CSMD1: variants seen among roughly 807,000 people sequenced by gnomAD.
The protein encoded by CSMD1 is CUB and sushi domain-containing protein 1.
Under a neutral mutation model 417.5 loss-of-function variants are expected in CSMD1, and 213 were observed. The observed-to-expected ratio is 0.51, with a 90% CI of 0.46 to 0.57. The LOEUF is 0.57. CSMD1 is among the 20% of genes least tolerant of loss of function. CSMD1 has a pLI of 0.00. For missense variants in CSMD1, 6,923 were observed against 4,529.7 expected (o/e 1.53, Z -15.17); for synonymous variants, 2,862 against 1,736.8 (o/e 1.65, Z -16.11).
intron 1 of CSMD1, among the ~76,000 whole-genome samples, chr8:4,930,930 G>A (rs1306518726): frequency 1.3e-5 from 2 of 152,094 alleles, no homozygotes; most frequent in Non-Finnish European, 2.9e-5. Context: ...GGTTGACATT[G>A]TACAGAACTG....
chr8:3,750,749 G>T (rs1370949614), intron 6 of CSMD1, among the ~76,000 whole-genome samples: 10 of 152,038 alleles, frequency 6.6e-5, no homozygotes, highest in Admixed American at 6.5e-4. Flanking sequence ...CGTGTGGAGG[G>T]CTGGGTGGCT....
intron 1 of CSMD1, among the ~76,000 whole-genome samples, chr8:4,791,174 G>A (rs1279297063): frequency 4.6e-5 from 7 of 152,154 alleles, no homozygotes; most frequent in Admixed American, 1.3e-4. Context: ...GATAAGCCAA[G>A]AAAACAGACC....
At chr8:4,826,906 C>A (rs910468773) in intron 1 of CSMD1, among the ~76,000 whole-genome samples, 1 of 152,158 alleles carries the variant, frequency 6.6e-6, no homozygotes, top group Non-Finnish European at 1.5e-5. Context: ...GCCTCAAAAT[C>A]TGAGCACTTA....
intron 8 of CSMD1, among the ~76,000 whole-genome samples, chr8:3,598,621 C>G (rs1182834302): frequency 6.6e-6 from 1 of 152,110 alleles, no homozygotes; most frequent in Admixed American, 6.5e-5. Flanking sequence ...CCCAAGAGCT[C>G]AGTACAGTTC....
chr8:4,670,632 C>A (rs981140746), intron 1 of CSMD1, among the ~76,000 whole-genome samples: 8 of 152,066 alleles, frequency 5.3e-5, no homozygotes, highest in Admixed American at 3.9e-4. Context: ...TATCACTATG[C>A]AAATGTTACC....
At chr8:4,590,709 G>A (rs1197258224) in intron 2 of CSMD1, among the ~76,000 whole-genome samples, 1 of 152,126 alleles carries the variant, frequency 6.6e-6, no homozygotes, top group Non-Finnish European at 1.5e-5. Context: ...TGAATAGATA[G>A]ATTTTTTGTT....
intron 5 of CSMD1, among the ~76,000 whole-genome samples, chr8:3,816,880 T>A (rs1801397274): frequency 6.6e-6 from 1 of 152,184 alleles, no homozygotes; most frequent in Non-Finnish European, 1.5e-5. Context: ...GGGCACTATA[T>A]ATTTCACTTT....
At position 3,169,239 on chromosome 8, in the gene CSMD1, G is replaced by C. The variant is rs894178500; in HGVS notation, c.5726-6962C>G. Among the ~76,000 whole-genome samples the C allele has an allele frequency of 3.3e-5, 5 of 152,110 alleles. No homozygotes were observed. In the East Asian group the frequency reaches 9.6e-4, roughly 29 times the overall value. The stretch of plus-strand genomic sequence containing the variant: ...ACAGTACAGCCCTGTTTACATCCTA[G>C]GAGAAACCAGAGGAGACAAGTTTCA... On this transcript the variant is annotated intron_variant, in intron 37 of 69. Coordinates refer to ENST00000635120, the MANE Select transcript of CSMD1 (RefSeq NM_033225.6).
intron 5 of CSMD1, 145 bp from the exon 6 acceptor site, chr8:3,754,187 C>T (rs116497000): frequency 8.0e-6 from 4 of 502,814 alleles, no homozygotes; most frequent in African/African-American, 7.7e-5. Flanking sequence ...GACTTTGAAC[C>T]TTAAAACGAT....
chr8:4,085,661 T>C (rs915027202), intron 3 of CSMD1, among the ~76,000 whole-genome samples: 8 of 152,210 alleles, frequency 5.3e-5, no homozygotes, highest in Non-Finnish European at 1.2e-4. Flanking sequence ...GGTTTTTGCA[T>C]ACTGTGTGAT....
chr8:3,744,341 G>T (rs1796961558), intron 6 of CSMD1, among the ~76,000 whole-genome samples: 1 of 152,108 alleles, frequency 6.6e-6, no homozygotes, highest in Non-Finnish European at 1.5e-5. Flanking sequence ...TACCCTGTGG[G>T]CTTCCACTGA....
chr8:4,378,999 A>C (rs1280773280), intron 3 of CSMD1, among the ~76,000 whole-genome samples: 1 of 152,228 alleles, frequency 6.6e-6, no homozygotes, highest in African/African-American at 2.4e-5. Flanking sequence ...CAGATGGATT[A>C]AGAAAGTAGC....
chr8:3,852,146 A>C (rs949126424), intron 5 of CSMD1, among the ~76,000 whole-genome samples: 2 of 152,146 alleles, frequency 1.3e-5, no homozygotes, highest in African/African-American at 4.8e-5. Context: ...AATACTCTAT[A>C]AGAATACTTG....
At chr8:4,598,046 T>C (rs1228436407) in intron 2 of CSMD1, among the ~76,000 whole-genome samples, 3 of 152,042 alleles carry the variant, frequency 2.0e-5, no homozygotes, top group East Asian at 1.9e-4. Flanking sequence ...ATATTCACAA[T>C]TGCATGTCTT....
intron 33 of CSMD1, among the ~76,000 whole-genome samples, chr8:3,194,052 C>T (rs1474519367): frequency 1.3e-5 from 2 of 152,106 alleles, no homozygotes; most frequent in Non-Finnish European, 2.9e-5. Flanking sequence ...AAAATCATTC[C>T]TCTCTCATCG....
intron 1 of CSMD1, among the ~76,000 whole-genome samples, chr8:4,881,702 C>G (rs1296189088): frequency 6.6e-6 from 1 of 151,640 alleles, no homozygotes; most frequent in Non-Finnish European, 1.5e-5. Flanking sequence ...AGCCCTTCCA[C>G]TTGATATTTT....
intron 35 of CSMD1, 103 bp from the exon 36 acceptor site, chr8:3,188,068 A>G: frequency 4.5e-6 from 2 of 445,718 alleles, no homozygotes; most frequent in African/African-American, 2.3e-5. Flanking sequence ...GTATATGTAT[A>G]TATATATACA....
chr8:3,304,580 A>T (rs1804668502), intron 25 of CSMD1, among the ~76,000 whole-genome samples: 1 of 152,180 alleles, frequency 6.6e-6, no homozygotes, highest in Admixed American at 6.6e-5. Flanking sequence ...CTTATTGGGA[A>T]GAAGTTTATG....
intron 5 of CSMD1, among the ~76,000 whole-genome samples, chr8:3,768,402 A>G (rs927098144): frequency 6.6e-6 from 1 of 152,176 alleles, no homozygotes; most frequent in African/African-American, 2.4e-5. Context: ...ATTCCTTTAG[A>G]TCAATCCATG....
Sources: allele counts gnomAD v4.1 joint callset (sites outside exome capture counted in the v4.1 genomes callset), GRCh38; gene constraint gnomAD v4.1.1; transcripts MANE v1.5; gene names NCBI Gene and HGNC (gene_info 2026-07-23, HGNC 2026-07-21).